The following FLNC variants were observed in gnomAD, a reference collection of about 807,000 sequenced individuals.
FLNC encodes the protein filamin C, also known as filamin-C.
In FLNC, 91 loss-of-function variants were observed where a neutral mutation model predicts 254.3. The ratio of observed to expected loss-of-function variants is 0.36; its 90% confidence interval spans 0.30 to 0.43. The LOEUF is 0.43. Ranked by LOEUF, FLNC falls within the 20% of genes least tolerant of loss-of-function variation. FLNC has a pLI of 1.00. For missense variants in FLNC, 2,853 were observed against 3,802.6 expected, an observed-to-expected ratio of 0.75 and a Z score of 6.57; for synonymous variants, 1,430 against 1,577.2, an observed-to-expected ratio of 0.91 and a Z score of 2.21.
At chr7:128,847,621 C>T in intron 24 of FLNC, 76 bp from the exon 25 acceptor site, 1 of 1,575,576 alleles carries the variant, frequency 6.3e-7, no homozygotes, top group South Asian at 1.1e-5. Context: ...GGGAAGGCCT[C>T]CTCCTCCGAG....
At position 128,850,730 on chromosome 7, in the gene FLNC, A is replaced by T; in HGVS notation, c.5399-73A>T. Reference sequence around the variant, plus strand: ...TCGGGTGGCAGCAGAAGCACTCAGGACCAGGCCTGGGACAGCAGGGAGGTT... The same window carrying T: ...TCGGGTGGCAGCAGAAGCACTCAGGTCCAGGCCTGGGACAGCAGGGAGGTT... On this transcript the variant is annotated intron_variant, in intron 32 of 47. Transcript: ENST00000325888. 2.5e-6 allele frequency: 4 copies of T among 1,605,324 alleles called. No individual in the cohort carries two copies. In the East Asian group the frequency reaches 6.7e-5, roughly 27 times the overall value.
chr7:128,831,208 C>T (rs1374550337), intron 1 of FLNC, among the ~76,000 whole-genome samples: 1 of 151,492 alleles, frequency 6.6e-6, no homozygotes, highest in Admixed American at 6.5e-5. Context: ...TCCCTGGGTG[C>T]CCCGGGGAGT....
In FLNC at chr7:128,856,547, G is replaced by T; in HGVS notation, c.7281G>T (p.Ala2427=). Residue 2427 remains alanine, a synonymous_variant, in exon 44 of 48, where the codon GCG becomes GCT. Coordinates refer to ENST00000325888, the MANE Select transcript of FLNC (RefSeq NM_001458.5). The surrounding 1 kb of genome is among the most constrained non-coding windows in gnomAD (Gnocchi z 5.9). ...CGGGGCTCAAGGTGAACCAGCCAGC[G>T]TCCTTTGCCGTGCAGCTGAACGGTG... ...QETGLKVNQP[A]SFAVQLNGAR... The T allele has an allele frequency of 6.2e-7, 1 of 1,612,890 alleles. No individual in the cohort carries two copies. The highest frequency in any genetic ancestry group is 8.5e-7 in the Non-Finnish European group (1 of 1,180,016).
rs191356401 is a variant in FLNC at position 128,853,213 on chromosome 7, C to T, written c.6208+182C>T. ...GTGAATGGCCCCGCATCAGTTCTCT[C>T]CCTTTTAAGAGAAAGCTCAGCTGTC... On this transcript the variant is annotated intron_variant, in intron 37 of 47. Transcript: ENST00000325888. 7 of 725,652 alleles carry T rather than the reference C, an allele frequency of 9.6e-6. No homozygotes were observed. In the African/African-American group the frequency reaches 1.0e-4, roughly 11 times the overall value. 45.0% of individuals were successfully genotyped at this position (725,652 alleles called of 1,614,324 possible).
rs2128935975 is a variant in FLNC, at chr7:128,843,400, G to T, written c.2642-8G>T. The T allele has an allele frequency of 6.2e-7, 1 of 1,614,022 alleles. No homozygotes were observed. Among genetic ancestry groups the T allele is most frequent in the Middle Eastern group, 1.6e-4 (1 of 6,062 alleles). ...AGGCCCTCACCACATCTCTGGGTGG[G>T]TCCTCAGGTGTGGAAGTCGGGAAGC... On this transcript the variant is annotated splice_region_variant and splice_polypyrimidine_tract_variant and intron_variant, in intron 17 of 47. Transcript: ENST00000325888.
Position 128,856,699 on chromosome 7 carries a change from G to C in FLNC, c.7385-46G>C. On this transcript the variant is annotated intron_variant, in intron 44 of 47. Coordinates refer to ENST00000325888, the MANE Select transcript of FLNC (RefSeq NM_001458.5). The surrounding 1 kb of genome is among the most constrained non-coding windows in gnomAD (Gnocchi z 5.9). The stretch of plus-strand genomic sequence containing the variant: ...ACTCCCTTCCGGGCTGGGGCCTTCT[G>C]GGGAGGGGAAGGATGGAGGCTAAGC... 6.2e-7 allele frequency: 1 copy of C among 1,613,912 alleles called. No homozygotes were observed. Among genetic ancestry groups the C allele is most frequent in the Non-Finnish European group, 8.5e-7 (1 of 1,180,012 alleles).
intron 33 of FLNC, 29 bp from the exon 34 acceptor site, chr7:128,851,203 C>T: frequency 1.2e-6 from 2 of 1,613,720 alleles, no homozygotes; most frequent in Non-Finnish European, 1.7e-6. Flanking sequence ...CTGATGCTGA[C>T]CCAGCCCCCT....
At position 128,835,432 on chromosome 7, in the gene FLNC, T is replaced by C. The variant is rs766053642; in HGVS notation, c.459T>C (p.Asp153=). The change falls in exon 2 of 48, where the codon GAT becomes GAC. Residue 153 remains aspartate (D), a synonymous_variant. Transcript: ENST00000325888. This position sits in a 1 kb window ranked among gnomAD's most constrained non-coding sequence, Gnocchi z 5.3. ...TGCCCATGTGGGAGGATGAAGATGA[T>C]GAGGATGCCCGCAAACAGACGCCCA... ...ISMPMWEDED[D]EDARKQTPKQ... The C allele has an allele frequency of 1.2e-6, 2 of 1,614,084 alleles. No homozygotes were observed. Among genetic ancestry groups the C allele is most frequent in the Admixed American group, 3.3e-5 (2 of 60,030 alleles).
chr7:128,851,684 G>C (rs1422457063), intron 35 of FLNC, 56 bp downstream of exon 35: 1 of 1,575,518 alleles, frequency 6.3e-7, no homozygotes, highest in Non-Finnish European at 8.7e-7. Context: ...CGCATACAGT[G>C]CACTCATGTG....
chr7:128,853,590 C>G lies in FLNC; in HGVS notation c.6330C>G (p.Ile2110Met), dbSNP rs1808917421. 6.2e-7 allele frequency: 1 copy of G among 1,614,172 alleles called. No homozygotes were observed. The highest frequency in any genetic ancestry group is 8.5e-7 in the Non-Finnish European group (1 of 1,180,050). Reference protein sequence around the residue: ...YCPTEPGTYIINIKFADKHVP... With the variant: ...YCPTEPGTYIMNIKFADKHVP... ...CCACCGAGCCCGGCACCTACATCAT[C>G]AACATCAAGTTTGCTGACAAGCACG... is the stretch of plus-strand genomic sequence containing the variant. Residue 2110 changes from isoleucine to methionine, a missense_variant, in exon 38 of 48, where the codon ATC becomes ATG. Physicochemically the swap from Ile to Met is conservative, Grantham distance 10. Transcript: ENST00000325888.
rs375139827 is a variant in FLNC, at chr7:128,854,501, C to A, written c.6816C>A (p.Ser2272Arg). Reference protein sequence around the residue: ...EAAEIVEGEDSAYSVRFVPQE... With the variant: ...EAAEIVEGEDRAYSVRFVPQE... Reference sequence around the variant, plus strand: ...CAGAGATCGTCGAGGGCGAGGACAGCGCCTACAGCGTGCGCTTTGTGCCCC... The same window carrying A: ...CAGAGATCGTCGAGGGCGAGGACAGAGCCTACAGCGTGCGCTTTGTGCCCC... Residue 2272 changes from serine (S) to arginine (R), a missense_variant, in exon 41 of 48, where the codon AGC becomes AGA. By Grantham distance (110) the Ser-to-Arg change is moderately radical. This residue lies in a region of FLNC where 551 missense variants were observed against 835.0 expected (regional missense o/e 0.66). Coordinates refer to ENST00000325888, the MANE Select transcript of FLNC (RefSeq NM_001458.5). 28 of 1,604,690 alleles carry A rather than the reference C, an allele frequency of 1.7e-5. No individual in the cohort carries two copies. In the Admixed American group the frequency reaches 4.5e-4, roughly 26 times the overall value.
chr7:128,830,518 G>A lies in FLNC; in HGVS notation c.-120G>A. On this transcript the variant is annotated 5_prime_UTR_variant, in exon 1 of 48. Coordinates refer to ENST00000325888, the MANE Select transcript of FLNC (RefSeq NM_001458.5). ...CCCCGCCAGCCCCGGCGCGAGAGAAGTTGGAGAGGAGAGCAGCGCAGCGCA... is the reference window on the plus strand; with the variant it reads ...CCCCGCCAGCCCCGGCGCGAGAGAAATTGGAGAGGAGAGCAGCGCAGCGCA... 1.2e-6 allele frequency: 1 copy of A among 855,796 alleles called. No homozygotes were observed. The highest frequency in any genetic ancestry group is 1.8e-6 in the Non-Finnish European group (1 of 545,818). The allele number at this position is 855,796 out of a possible 1,614,324, so 53.0% of individuals were successfully genotyped here.
intron 8 of FLNC, 79 bp downstream of exon 8, chr7:128,838,882 C>G: frequency 2.2e-6 from 3 of 1,388,886 alleles, no homozygotes; most frequent in Non-Finnish European, 3.0e-6. Flanking sequence ...AGAGCTGGGG[C>G]GGGGGTCTGC....
At chr7:128,833,617 C>A (rs976478807) in intron 1 of FLNC, among the ~76,000 whole-genome samples, 1 of 139,008 alleles carries the variant, frequency 7.2e-6, no homozygotes, top group African/African-American at 3.0e-5. Flanking sequence ...CATATACACA[C>A]CGCCCCCCCC....
Position 128,850,952 on chromosome 7 carries a change from G to GGGGCTGGGCT in FLNC, c.5539+18_5539+27dup. On this transcript the variant is annotated intron_variant, in intron 33 of 47. Transcript: ENST00000325888. ...CGGCAACCACATCCCTGGTGAGTTAGGGGCTGGGCTGGGCTGGGGCTTGGG... is the reference window on the plus strand; with the variant it reads ...CGGCAACCACATCCCTGGTGAGTTAGGGGCTGGGCTGGGCTGGGCTGGGCTGGGGCTTGGG... The GGGGCTGGGCT allele has an allele frequency of 6.2e-7, 1 of 1,613,580 alleles. No individual in the cohort carries two copies.
At chr7:128,849,090 C>G in intron 28 of FLNC, 91 bp from the exon 29 acceptor site, 1 of 1,582,480 alleles carries the variant, frequency 6.3e-7, no homozygotes, top group South Asian at 1.1e-5. Flanking sequence ...AGCACACATG[C>G]CCTAGCCCTG....
intron 37 of FLNC, 180 bp downstream of exon 37, chr7:128,853,211 C>T: frequency 2.7e-6 from 2 of 729,478 alleles, no homozygotes; most frequent in East Asian, 2.7e-5. Context: ...CATCAGTTCT[C>T]TCCCTTTTAA....
At chr7:128,854,729 T>A in intron 41 of FLNC, 46 bp from the exon 42 acceptor site, 1 of 1,613,082 alleles carries the variant, frequency 6.2e-7, no homozygotes, top group South Asian at 1.1e-5. Context: ...GGGCAGCCAG[T>A]GTGAGGGGCG....
Position 128,841,344 on chromosome 7 carries a change from C to G in FLNC, c.1988C>G (p.Pro663Arg). Residue 663 changes from proline to arginine, a missense_variant, in exon 12 of 48, where the codon CCT (proline) becomes CGT (arginine). Transcript: ENST00000325888. This position sits in a 1 kb window ranked among gnomAD's most constrained non-coding sequence, Gnocchi z 4.3. ...ATTGCCCACATCCTGCCCGCCCCAC[C>G]TGACTGCTTCCCAGATAAGGTGTGG... ...PFIAHILPAP[P>R]DCFPDKVKAF... The G allele has an allele frequency of 6.2e-7, 1 of 1,614,052 alleles. No individual in the cohort carries two copies. Among genetic ancestry groups the G allele is most frequent in the Non-Finnish European group, 8.5e-7 (1 of 1,180,008 alleles).
Sources: allele counts gnomAD v4.1 joint callset (sites outside exome capture counted in the v4.1 genomes callset), GRCh38; gene constraint gnomAD v4.1.1; regional missense constraint gnomAD v4.1.1; non-coding constraint Gnocchi (gnomAD v3.1); transcripts MANE v1.5; gene names NCBI Gene and HGNC (gene_info 2026-07-23, HGNC 2026-07-21).